The following FBXO22 variants were observed in gnomAD, a reference collection of about 807,000 sequenced individuals.
The protein encoded by FBXO22 is F-box only protein 22.
Under a neutral mutation model 37.2 loss-of-function variants are expected in FBXO22, and 13 were observed. The observed-to-expected ratio is 0.35, with a 90% CI of 0.23 to 0.56. The LOEUF (loss-of-function observed/expected upper bound fraction) is 0.56, where lower values mean the gene tolerates loss of function less well. FBXO22 is among the 20% of genes least tolerant of loss of function. The pLI, the probability that FBXO22 is intolerant of heterozygous loss-of-function variation, is 0.87. For missense variants in FBXO22, 446 were observed against 509.9 expected (o/e 0.87, Z 1.21); for synonymous variants, 189 against 189.1 (o/e 1.00, Z 0.00).
chr15:75,928,292 A>G (rs1350364572), intron 5 of FBXO22, among the ~76,000 whole-genome samples: 2 of 152,222 alleles, frequency 1.3e-5, no homozygotes, highest in African/African-American at 4.8e-5. Context: ...ATAAAGACAC[A>G]TGCACATGTA....
In FBXO22 at chr15:75,932,891, A is replaced by G; in HGVS notation, c.1001A>G (p.Tyr334Cys). 1 of 1,614,272 alleles carries G rather than the reference A, an allele frequency of 6.2e-7. No individual in the cohort carries two copies. The highest frequency in any genetic ancestry group is 8.5e-7 in the Non-Finnish European group (1 of 1,180,038). The change falls in exon 7 of 7, where the codon TAC becomes TGC. Residue 334 changes from tyrosine (Y) to cysteine (C), a missense_variant. By Grantham distance (194) the Tyr-to-Cys change is radical. This residue lies in a region of FBXO22 where 315 missense variants were observed against 410.1 expected (regional missense o/e 0.77). Coordinates refer to ENST00000308275, the MANE Select transcript of FBXO22 (RefSeq NM_147188.3). ...TGCGTTGGCAGGGGCTTTCAGTATT[A>G]CAGAGCCAAGGGGAATGTTGAGGCT... Reference protein sequence around the residue: ...FACVGRGFQYYRAKGNVEADA... With the variant: ...FACVGRGFQYCRAKGNVEADA...
In FBXO22 at chr15:75,937,742, T is replaced by C. The variant is rs2030519020; in HGVS notation, c.*4640T>C. ...ACTGGAGAAAACATGCTAGACCTTTTTTGCAAATTACTGTGTACATTTTTT... is the reference window on the plus strand; with the variant it reads ...ACTGGAGAAAACATGCTAGACCTTTCTTGCAAATTACTGTGTACATTTTTT... On this transcript the variant is annotated 3_prime_UTR_variant, in exon 7 of 7. Transcript: ENST00000308275. 6.6e-6 allele frequency: 1 copy of C among 152,122 alleles called. No individual in the cohort carries two copies. The highest frequency in any genetic ancestry group is 6.5e-5 in the Admixed American group (1 of 15,270). The allele number at this position is 152,122 out of a possible 1,614,324, so 9.4% of individuals were successfully genotyped here.
intron 4 of FBXO22, 133 bp from the exon 5 acceptor site, chr15:75,917,097 C>A: frequency 1.5e-6 from 1 of 661,332 alleles, no homozygotes; most frequent in Non-Finnish European, 2.6e-6. Context: ...ACACTACACC[C>A]TAAAACTGTC....
At chr15:75,905,671 C>G (rs554195819) in intron 2 of FBXO22, 2 of 152,366 alleles carry the variant, frequency 1.3e-5, no homozygotes, top group South Asian at 4.1e-4. Flanking sequence ...AGTCCTGTTT[C>G]TTTAATCTCC....
intron 2 of FBXO22, among the ~76,000 whole-genome samples, chr15:75,912,100 C>T (rs985741341): frequency 6.6e-6 from 1 of 151,716 alleles, no homozygotes; most frequent in African/African-American, 2.4e-5. Context: ...GTTGAACCAG[C>T]CTTGCATCCC....
At position 75,941,522 on chromosome 15, in the gene FBXO22, C is replaced by G. The variant is rs1459929777; in HGVS notation, c.*8420C>G. On this transcript the variant is annotated 3_prime_UTR_variant, in exon 7 of 7. Transcript: ENST00000308275. ...ACCGTAGTCAAAAGGTAGAAACAACCCAAATACCCAACAGATGAATGGATA... is the reference window on the plus strand; with the variant it reads ...ACCGTAGTCAAAAGGTAGAAACAACGCAAATACCCAACAGATGAATGGATA... 2 of 152,086 alleles carry G rather than the reference C, an allele frequency of 1.3e-5. No individual in the cohort carries two copies. Among genetic ancestry groups the G allele is most frequent in the Non-Finnish European group, 2.9e-5 (2 of 68,016 alleles). The allele number at this position is 152,086 out of a possible 1,614,324, so 9.4% of individuals were successfully genotyped here.
intron 5 of FBXO22, among the ~76,000 whole-genome samples, chr15:75,919,404 G>A (rs1900270713): frequency 6.6e-6 from 1 of 152,106 alleles, no homozygotes; most frequent in Non-Finnish European, 1.5e-5. Flanking sequence ...TTCAAAACAT[G>A]TTATACATTG....
rs764239822 is a variant in FBXO22 at position 75,904,004 on chromosome 15, C to T, written c.41C>T (p.Ser14Phe). ...VGCCGECRGS[S>F]VDPRSTFVLS... is the part of the protein sequence containing the mutation. ...TGCTGCGGCGAGTGCCGCGGCTCCT[C>T]CGTAGACCCGCGGAGCACCTTCGTG... The change falls in exon 1 of 7, where the codon TCC becomes TTC. Residue 14 changes from serine to phenylalanine, a missense_variant. Ser to Phe is a radical substitution (Grantham distance 155, BLOSUM62 -2). Transcript: ENST00000308275. The T allele has an allele frequency of 3.5e-5, 55 of 1,581,382 alleles. No homozygotes were observed. Among genetic ancestry groups the T allele is most frequent in the Non-Finnish European group, 4.6e-5 (54 of 1,163,626 alleles).
At chr15:75,927,303 T>G (rs1261656805) in intron 5 of FBXO22, among the ~76,000 whole-genome samples, 3 of 152,310 alleles carry the variant, frequency 2.0e-5, no homozygotes, top group Non-Finnish European at 2.9e-5. Context: ...GGGTATGTGT[T>G]TGTTAAATGA....
chr15:75,935,601 C>A lies in FBXO22; in HGVS notation c.*2499C>A, dbSNP rs955938773. 4 of 149,848 alleles carry A rather than the reference C, an allele frequency of 2.7e-5. No individual in the cohort carries two copies. Among genetic ancestry groups the A allele is most frequent in the African/African-American group, 9.9e-5 (4 of 40,546 alleles). The allele number at this position is 149,848 out of a possible 1,614,324, so 9.3% of individuals were successfully genotyped here. ...AGACCTAGAAATAGATCCACCCTTG[C>A]AGACTGATAAAAGTGGGCAATCTAG... On this transcript the variant is annotated 3_prime_UTR_variant, in exon 7 of 7. Coordinates refer to ENST00000308275, the MANE Select transcript of FBXO22 (RefSeq NM_147188.3).
At position 75,937,378 on chromosome 15, in the gene FBXO22, G is replaced by C. The variant is rs900558559; in HGVS notation, c.*4276G>C. The C allele has an allele frequency of 2.0e-5, 3 of 151,728 alleles. No individual in the cohort carries two copies. The highest frequency in any genetic ancestry group is 7.3e-5 in the African/African-American group (3 of 41,286). 9.4% of individuals were successfully genotyped at this position (151,728 alleles called of 1,614,324 possible). A position where few individuals can be genotyped will look rare whatever the true frequency, so the allele number is the denominator to read the frequency against. On this transcript the variant is annotated 3_prime_UTR_variant, in exon 7 of 7. Coordinates refer to ENST00000308275, the MANE Select transcript of FBXO22 (RefSeq NM_147188.3). Reference sequence around the variant, plus strand: ...CACAAAATTAGCTGGGCATGGTGGCGGGCACCTGTAGTCCTAGCTACTTGG... The same window carrying C: ...CACAAAATTAGCTGGGCATGGTGGCCGGCACCTGTAGTCCTAGCTACTTGG...
intron 4 of FBXO22, among the ~76,000 whole-genome samples, chr15:75,916,381 G>A (rs1057171165): frequency 6.6e-6 from 1 of 152,192 alleles, no homozygotes; most frequent in East Asian, 1.9e-4. Context: ...TGGTCTCTCT[G>A]AAGCTTACTT....
chr15:75,930,088 G>C, intron 6 of FBXO22, 39 bp downstream of exon 6: 1 of 1,613,126 alleles, frequency 6.2e-7, no homozygotes, highest in Non-Finnish European at 8.5e-7. Context: ...TGTGAATGAA[G>C]GGAAATGGTC....
rs1469876351 is a variant in FBXO22, at chr15:75,942,374, T to C, written c.*9272T>C. 6.6e-6 allele frequency: 1 copy of C among 152,076 alleles called. No individual in the cohort carries two copies. The highest frequency in any genetic ancestry group is 1.5e-5 in the Non-Finnish European group (1 of 68,014). The allele number at this position is 152,076 out of a possible 1,614,324, so 9.4% of individuals were successfully genotyped here. A position where few individuals can be genotyped will look rare whatever the true frequency, so the allele number is the denominator to read the frequency against. On this transcript the variant is annotated 3_prime_UTR_variant, in exon 7 of 7. Coordinates refer to ENST00000308275, the MANE Select transcript of FBXO22 (RefSeq NM_147188.3). ...AAAGTAAAGTAAAAATGTGTCAATATTGGTTAAACAAATATACCACACTAG... is the reference window on the plus strand; with the variant it reads ...AAAGTAAAGTAAAAATGTGTCAATACTGGTTAAACAAATATACCACACTAG...
In FBXO22 at chr15:75,938,026, G is replaced by A. The variant is rs1301122381; in HGVS notation, c.*4924G>A. On this transcript the variant is annotated 3_prime_UTR_variant, in exon 7 of 7. Transcript: ENST00000308275. Reference sequence around the variant, plus strand: ...CATGCCCAGGGAAAACACTTGCCCGGAAAGTTCTAAGACCCAAGCTTTCAC... The same window carrying A: ...CATGCCCAGGGAAAACACTTGCCCGAAAAGTTCTAAGACCCAAGCTTTCAC... 2 of 152,232 alleles carry A rather than the reference G, an allele frequency of 1.3e-5. No homozygotes were observed. The highest frequency in any genetic ancestry group is 4.8e-5 in the African/African-American group (2 of 41,444). The allele number at this position is 152,232 out of a possible 1,614,324, so 9.4% of individuals were successfully genotyped here.
rs1595925582 is a variant in FBXO22, at chr15:75,937,874, G to A, written c.*4772G>A. The A allele has an allele frequency of 8.5e-6, 1 of 118,040 alleles. No individual in the cohort carries two copies. Among genetic ancestry groups the A allele is most frequent in the Admixed American group, 8.4e-5 (1 of 11,900 alleles). The allele number at this position is 118,040 out of a possible 1,614,324, so 7.3% of individuals were successfully genotyped here. On this transcript the variant is annotated 3_prime_UTR_variant, in exon 7 of 7. Transcript: ENST00000308275. ...ACAAAAGCTGCAAAGAACCACAGGT[G>A]CATGGGGCAAGAGGTTATGGGTGTA...
intron 2 of FBXO22, among the ~76,000 whole-genome samples, chr15:75,909,733 C>T (rs899350384): frequency 6.7e-6 from 1 of 150,000 alleles, no homozygotes; most frequent in African/African-American, 2.5e-5. Context: ...CAACATTGAC[C>T]TGAAAGAAGG....
In FBXO22 at chr15:75,904,593, G is replaced by C; in HGVS notation, c.243G>C (p.Gly81=). 5 of 1,612,824 alleles carry C rather than the reference G, an allele frequency of 3.1e-6. No individual in the cohort carries two copies. The highest frequency in any genetic ancestry group is 3.4e-6 in the Non-Finnish European group (4 of 1,179,138). The change falls in exon 2 of 7, where the codon GGG becomes GGC. Residue 81 remains glycine (G), a synonymous_variant. Transcript: ENST00000308275. ...AGLAEAGHLE[G]HCLVRVVAEE... ...TGGCGGAGGCCGGCCACCTGGAGGG[G>C]CATTGCTTGGTTCGCGTGGTAGCAG...
At chr15:75,916,730 A>C (rs1900198967) in intron 4 of FBXO22, among the ~76,000 whole-genome samples, 1 of 152,168 alleles carries the variant, frequency 6.6e-6, no homozygotes, top group African/African-American at 2.4e-5. Flanking sequence ...CTATGATACC[A>C]ATGTAACTTT....
Sources: gnomAD v4.1 joint callset for allele counts (sites outside exome capture counted in the v4.1 genomes callset) on GRCh38, gnomAD v4.1.1 for gene constraint, gnomAD v4.1.1 regional missense constraint, MANE v1.5 for transcripts, NCBI Gene and HGNC (gene_info 2026-07-23, HGNC 2026-07-21) for gene names.